FAM3A: variants seen among roughly 807,000 people sequenced by gnomAD.
The protein encoded by FAM3A is protein FAM3A.
A neutral mutation model predicts 18.1 loss-of-function variants in FAM3A; 5 were observed. The observed-to-expected ratio is 0.28, with a 90% confidence interval of 0.14 to 0.58. FAM3A has a LOEUF of 0.58. Among genes scored for constraint, FAM3A ranks in the 20% least tolerant of loss-of-function variants. The probability of loss-of-function intolerance (pLI) is 0.91; values close to 1 mark genes in which losing one functional copy is unlikely to be tolerated. For missense variants in FAM3A, 154 were observed against 216.6 expected (o/e 0.71, Z 1.81); for synonymous variants, 108 against 90.2 (o/e 1.20, Z -1.12).
chrX:154,506,803 T>C lies in FAM3A; in HGVS notation c.*8A>G, dbSNP rs2069552349. On this transcript the variant is annotated 3_prime_UTR_variant, in exon 9 of 9. Transcript: ENST00000447601. ...GCCTCCCTCGGCCCGGTCCTGGCAC[T>C]GGCCGTGCTAGCTGGCCGTGCTTCT... 2 of 1,205,529 alleles carry C rather than the reference T, an allele frequency of 1.7e-6. No individual in the cohort carries two copies. The highest frequency in any genetic ancestry group is 1.8e-5 in the South Asian group (1 of 56,836).
chrX:154,512,437 TCAAA>T (rs782041207), intron 2 of FAM3A: 103 of 216,282 alleles, frequency 4.8e-4, no homozygotes, highest in Middle Eastern at 2.2e-3. Flanking sequence ...AGACACTGTC[TCAAA>T]CAAACAAACA....
At chrX:154,511,792 G>A (rs1377811262) in intron 3 of FAM3A, 56 bp downstream of exon 3, 4 of 1,127,479 alleles carry the variant, frequency 3.5e-6, no homozygotes, top group African/African-American at 3.6e-5. Context: ...CTACGGGACC[G>A]GGGGCAGGCA....
At chrX:154,512,696 C>T (rs1204295263) in intron 2 of FAM3A, 127 bp downstream of exon 2, 8 of 491,546 alleles carry the variant, frequency 1.6e-5, no homozygotes, top group Admixed American at 3.6e-5. Context: ...CTGGGGACAG[C>T]CAAAGGTAGC....
chrX:154,507,622 T>C lies in FAM3A; in HGVS notation c.386-132A>G, dbSNP rs781886069. The C allele has an allele frequency of 2.3e-4, 187 of 829,819 alleles. No individual in the cohort carries two copies. In the African/African-American group the frequency reaches 3.2e-3, roughly 14 times the overall value. The allele number at this position is 829,819 out of a possible 1,213,427, so 68.4% of individuals were successfully genotyped here. A position where few individuals can be genotyped will look rare whatever the true frequency, so the allele number is the denominator to read the frequency against. On this transcript the variant is annotated intron_variant, in intron 6 of 8. Transcript: ENST00000447601. ...CATGCCCCGCCAAGGGACAGGCTGG[T>C]GTAGGAAGCTGAGGCATCCCCGTGA...
chrX:154,515,764 C>A lies in FAM3A; in HGVS notation c.9G>T (p.Leu3Phe). Reference protein sequence around the residue: MRLAGPLRIVVLV... With the variant: MRFAGPLRIVVLV... ...TTCGCTGTGGAAGCCACCCACCTGCCAACCTCATGTCCACTTCTCCTGCTG... is the reference window on the plus strand; with the variant it reads ...TTCGCTGTGGAAGCCACCCACCTGCAAACCTCATGTCCACTTCTCCTGCTG... The change falls in exon 1 of 9, where the codon TTG becomes TTT. Residue 3 changes from leucine to phenylalanine, a missense_variant. Around this residue, in one of 3 missense-constraint regions of FAM3A, gnomAD observed 112 missense variants for 160.0 expected, o/e 0.70. Coordinates refer to ENST00000447601, the MANE Select transcript of FAM3A (RefSeq NM_021806.4). 1 of 1,211,676 alleles carries A rather than the reference C, an allele frequency of 8.3e-7. No homozygotes were observed.
chrX:154,514,094 C>T (rs1033551229), intron 1 of FAM3A, among the ~76,000 whole-genome samples: 2 of 110,830 alleles, frequency 1.8e-5, no homozygotes, highest in South Asian at 3.9e-4. Context: ...TCTCTGCTGG[C>T]TTTCCGGACA....
chrX:154,509,075 T>A, intron 3 of FAM3A: 1 of 244,586 alleles, frequency 4.1e-6, no homozygotes, highest in Non-Finnish European at 7.8e-6. Flanking sequence ...AGTTCTAATC[T>A]GTGGTACTTC....
intron 2 of FAM3A, 82 bp from the exon 3 acceptor site, chrX:154,511,953 A>G: frequency 1.1e-6 from 1 of 933,581 alleles, no homozygotes; most frequent in Non-Finnish European, 1.5e-6. Flanking sequence ...TACACCGCGA[A>G]GTGTAGACAC....
At chrX:154,507,890 G>A in intron 5 of FAM3A, 29 bp from the exon 6 acceptor site, 3 of 1,174,943 alleles carry the variant, frequency 2.6e-6, no homozygotes, top group Admixed American at 2.4e-5. Context: ...GCCCTGCTGG[G>A]TAAGCCAGGC....
rs2069606866 is a variant in FAM3A at position 154,507,422 on chromosome X, C to T, written c.454G>A (p.Asp152Asn). The change falls in exon 7 of 9, where the codon GAC (aspartate) becomes AAC (asparagine). Residue 152 changes from aspartate (D) to asparagine (N), a missense_variant. This residue lies in a region of FAM3A where 112 missense variants were observed against 160.0 expected (regional missense o/e 0.70). Coordinates refer to ENST00000447601, the MANE Select transcript of FAM3A (RefSeq NM_021806.4). Reference protein sequence around the residue: ...EGTLVFVASYDDPATKMNEET... With the variant: ...EGTLVFVASYNDPATKMNEET... ...AGCACCTACTTGGTGGCTGGGTCGT[C>T]GTAGGATGCCACGAACACCAGGGTG... 1 of 1,211,402 alleles carries T rather than the reference C, an allele frequency of 8.3e-7. No individual in the cohort carries two copies. The highest frequency in any genetic ancestry group is 2.2e-5 in the Admixed American group (1 of 46,033).
chrX:154,513,103 G>A (rs782453375), intron 1 of FAM3A, among the ~76,000 whole-genome samples, 167 bp from the exon 2 acceptor site: 1 of 111,893 alleles, frequency 8.9e-6, no homozygotes, highest in East Asian at 2.8e-4. Context: ...AGGGAGACTT[G>A]AGCTCCCTGG....
chrX:154,514,937 TC>T (rs2070114237), intron 1 of FAM3A, among the ~76,000 whole-genome samples: 1 of 110,986 alleles, frequency 9.0e-6, no homozygotes, highest in South Asian at 3.8e-4. Flanking sequence ...AACCTCAGCC[TC>T]CCGGGTAGCT....
chrX:154,509,058 A>T (rs782579394), intron 3 of FAM3A: 1 of 251,065 alleles, frequency 4.0e-6, no homozygotes, highest in Non-Finnish European at 7.6e-6. Flanking sequence ...CCCTCAAGGT[A>T]TGCTGAAGTT....
At chrX:154,508,955 T>G in intron 3 of FAM3A, 1 of 260,958 alleles carries the variant, frequency 3.8e-6, no homozygotes, top group Non-Finnish European at 7.4e-6. Flanking sequence ...CAGGGGGTAG[T>G]GTGGCAGGGG....
intron 3 of FAM3A, chrX:154,511,312 A>G (rs2069857839): frequency 8.9e-6 from 1 of 112,196 alleles, no homozygotes; most frequent in Non-Finnish European, 1.9e-5. Flanking sequence ...GTCTGTGGGA[A>G]AACTCTCTGA....
chrX:154,511,759 G>A, intron 3 of FAM3A, 89 bp downstream of exon 3: 1 of 901,707 alleles, frequency 1.1e-6, no homozygotes, highest in Non-Finnish European at 1.6e-6. Context: ...GGTTTGGGGA[G>A]GAATAAATGG....
chrX:154,508,762 T>A (rs1557221043), intron 3 of FAM3A, 165 bp from the exon 4 acceptor site: 6 of 606,700 alleles, frequency 9.9e-6, no homozygotes, highest in Non-Finnish European at 1.7e-5. Context: ...CCATACTCTG[T>A]GTCCTACTGG....
chrX:154,507,352 G>C, intron 7 of FAM3A, 23 bp from the exon 8 acceptor site: 1 of 1,211,841 alleles, frequency 8.3e-7, no homozygotes, highest in Non-Finnish European at 1.1e-6. Context: ...AGGAAGGGGT[G>C]TCAGCTGTTG....
At chrX:154,508,681 T>C in intron 3 of FAM3A, 84 bp from the exon 4 acceptor site, 1 of 1,081,692 alleles carries the variant, frequency 9.2e-7, no homozygotes, top group South Asian at 2.0e-5. Context: ...CCAGCACACA[T>C]GGTAGAACAA....
Sources: allele counts gnomAD v4.1 joint callset (sites outside exome capture counted in the v4.1 genomes callset), GRCh38; gene constraint gnomAD v4.1.1; regional missense constraint gnomAD v4.1.1; transcripts MANE v1.5; gene names NCBI Gene and HGNC (gene_info 2026-07-23, HGNC 2026-07-21).